MAPKAPK2: variants seen among roughly 807,000 people sequenced by gnomAD.
MAPKAPK2 encodes the protein MAPK activated protein kinase 2.
Under a neutral mutation model 48.8 loss-of-function variants are expected in MAPKAPK2, and 9 were observed. The ratio of observed to expected loss-of-function variants is 0.18; its 90% CI spans 0.11 to 0.32. The LOEUF is 0.32. Among genes scored for constraint, MAPKAPK2 ranks in the 10% least tolerant of loss-of-function variants. MAPKAPK2 has a pLI of 1.00. For missense variants in MAPKAPK2, 331 were observed against 498.3 expected, an observed-to-expected ratio of 0.66 and a Z score of 3.20; for synonymous variants, 202 against 190.6, an observed-to-expected ratio of 1.06 and a Z score of -0.49.
chr1:206,726,637 T>G (rs1673710428), intron 1 of MAPKAPK2, among the ~76,000 whole-genome samples: 1 of 152,228 alleles, frequency 6.6e-6, no homozygotes, highest in African/African-American at 2.4e-5. Flanking sequence ...CTCTAAAAGC[T>G]GGGTGGTGTG....
chr1:206,697,808 C>G (rs1266675416), intron 1 of MAPKAPK2, among the ~76,000 whole-genome samples: 1 of 152,248 alleles, frequency 6.6e-6, no homozygotes, highest in Non-Finnish European at 1.5e-5. Flanking sequence ...CATGCCACAA[C>G]AGATTTACAC....
At chr1:206,719,197 T>C (rs563518018) in intron 1 of MAPKAPK2, among the ~76,000 whole-genome samples, 2 of 152,328 alleles carry the variant, frequency 1.3e-5, no homozygotes, top group Admixed American at 6.5e-5. Flanking sequence ...TGGAAATATT[T>C]TAAAGATTTG....
rs367957440 is a variant in MAPKAPK2 at position 206,685,454 on chromosome 1, C to T, written c.225C>T (p.Asn75=). 57 of 1,542,226 alleles carry T rather than the reference C, an allele frequency of 3.7e-5. No homozygotes were observed. The highest frequency in any genetic ancestry group is 3.8e-5 in the Non-Finnish European group (43 of 1,140,098). The part of the protein sequence containing the change: ...VTSQVLGLGI[N]GKVLQIFNKR... ...GCCAGGTCCTGGGGCTGGGCATCAACGGCAAAGTTTTGCAGATCTTCAACA... is the reference window on the plus strand; with the variant it reads ...GCCAGGTCCTGGGGCTGGGCATCAATGGCAAAGTTTTGCAGATCTTCAACA... Residue 75 remains asparagine (N), a synonymous_variant, in exon 1 of 10, where the codon AAC becomes AAT. Transcript: ENST00000367103.
At chr1:206,699,932 T>C (rs923324279) in intron 1 of MAPKAPK2, among the ~76,000 whole-genome samples, 4 of 151,844 alleles carry the variant, frequency 2.6e-5, no homozygotes, top group Non-Finnish European at 2.9e-5. Flanking sequence ...CTCTCTCTTT[T>C]TCTTTTCTCC....
At chr1:206,707,410 T>G (rs1365607826) in intron 1 of MAPKAPK2, among the ~76,000 whole-genome samples, 1 of 152,064 alleles carries the variant, frequency 6.6e-6, no homozygotes, top group Non-Finnish European at 1.5e-5. Flanking sequence ...CTTTAAGATG[T>G]GAAGCCAGAA....
At chr1:206,692,108 T>C (rs1297920078) in intron 1 of MAPKAPK2, among the ~76,000 whole-genome samples, 1 of 152,198 alleles carries the variant, frequency 6.6e-6, no homozygotes, top group Non-Finnish European at 1.5e-5. Context: ...GCCACTGTGA[T>C]TTCTGGTGCA....
chr1:206,685,351 A>C lies in MAPKAPK2; in HGVS notation c.122A>C (p.Gln41Pro). The part of the protein sequence containing the change: ...PPAQPPPPPP[Q>P]QFPQFHVKSG... ...GCGCAGCCGCCGCCGCCGCCCCCGC[A>C]GCAGTTCCCGCAGTTCCACGTCAAG... is the stretch of plus-strand genomic sequence containing the variant. The change falls in exon 1 of 10, where the codon CAG becomes CCG. Residue 41 changes from glutamine to proline, a missense_variant. Around this residue, in one of 4 missense-constraint regions of MAPKAPK2, gnomAD observed 93 missense variants for 81.0 expected, o/e 1.15. Transcript: ENST00000367103. 3 of 1,316,672 alleles carry C rather than the reference A, an allele frequency of 2.3e-6. No individual in the cohort carries two copies. Among genetic ancestry groups the C allele is most frequent in the Non-Finnish European group, 3.0e-6 (3 of 1,002,260 alleles). 81.6% of individuals were successfully genotyped at this position (1,316,672 alleles called of 1,614,324 possible).
At position 206,685,409 on chromosome 1, in the gene MAPKAPK2, C is replaced by T. The variant is rs782320757; in HGVS notation, c.180C>T (p.Ile60=). ...SGLQIKKNAI[I]DDYKVTSQVL... ...TGCAGATCAAGAAGAACGCCATCAT[C>T]GATGACTACAAGGTCACCAGCCAGG... The change falls in exon 1 of 10, where the codon ATC becomes ATT. Residue 60 remains isoleucine (I), a synonymous_variant. Transcript: ENST00000367103. The T allele has an allele frequency of 3.3e-6, 5 of 1,528,132 alleles. No homozygotes were observed. Among genetic ancestry groups the T allele is most frequent in the Admixed American group, 1.8e-5 (1 of 54,462 alleles). 94.7% of individuals were successfully genotyped at this position (1,528,132 alleles called of 1,614,324 possible). A position where few individuals can be genotyped will look rare whatever the true frequency, so the allele number is the denominator to read the frequency against.
At chr1:206,709,607 C>T (rs1362658164) in intron 1 of MAPKAPK2, among the ~76,000 whole-genome samples, 2 of 152,106 alleles carry the variant, frequency 1.3e-5, no homozygotes, top group African/African-American at 4.8e-5. Context: ...GAAGTCAGTC[C>T]GAGCCTCTGA....
intron 1 of MAPKAPK2, among the ~76,000 whole-genome samples, chr1:206,724,548 C>CT (rs1673644925): frequency 7.4e-6 from 1 of 135,582 alleles, no homozygotes. Context: ...AATGACCAGT[C>CT]CTTTTTTTTT....
chr1:206,699,171 A>G (rs59473067), intron 1 of MAPKAPK2, among the ~76,000 whole-genome samples: 6,166 of 152,242 alleles, frequency 0.041, 274 homozygotes, highest in African/African-American at 0.11. Context: ...AGATCTTACC[A>G]TTTCTTGCAT....
At position 206,732,017 on chromosome 1, in the gene MAPKAPK2, A is replaced by T; in HGVS notation, c.1059+98A>T. 6.2e-7 allele frequency: 1 copy of T among 1,614,078 alleles called. No homozygotes were observed. On this transcript the variant is annotated intron_variant, in intron 9 of 9. Coordinates refer to ENST00000367103, the MANE Select transcript of MAPKAPK2 (RefSeq NM_032960.4). The surrounding 1 kb of genome is among the most constrained non-coding windows in gnomAD (Gnocchi z 4.4). ...CGTGGTGCTGGTAGGGGAGAGCTTGATTCTGCCTCTCTCATCCCAGGGGTG... is the reference window on the plus strand; with the variant it reads ...CGTGGTGCTGGTAGGGGAGAGCTTGTTTCTGCCTCTCTCATCCCAGGGGTG...
chr1:206,720,759 C>T (rs1273448003), intron 1 of MAPKAPK2, among the ~76,000 whole-genome samples: 3 of 152,054 alleles, frequency 2.0e-5, no homozygotes, highest in African/African-American at 7.3e-5. Flanking sequence ...TACCATCAGA[C>T]ATGTTTTGAT....
At chr1:206,693,112 TGTTC>T (rs1221180540) in intron 1 of MAPKAPK2, among the ~76,000 whole-genome samples, 2 of 152,100 alleles carry the variant, frequency 1.3e-5, no homozygotes, top group South Asian at 2.1e-4. Context: ...AAGATCGAGT[TGTTC>T]GTTTGCTGCC....
Position 206,731,411 on chromosome 1 carries a change from G to A in MAPKAPK2, c.892+149G>A, listed in dbSNP as rs979355650. The A allele has an allele frequency of 9.5e-5, 136 of 1,431,960 alleles. 1 individual carries two copies. In the South Asian group the frequency reaches 9.5e-4, roughly 10 times the overall value. 88.7% of individuals were successfully genotyped at this position (1,431,960 alleles called of 1,614,324 possible). On this transcript the variant is annotated intron_variant, in intron 7 of 9. Transcript: ENST00000367103. This position sits in a 1 kb window ranked among gnomAD's most constrained non-coding sequence, Gnocchi z 5.9. ...ACCTATGCCCACGCCTGCGGGGTGC[G>A]TCCTGCTTCATTTTGCCTGTGTGGA...
At chr1:206,714,841 T>G (rs1673277177) in intron 1 of MAPKAPK2, among the ~76,000 whole-genome samples, 1 of 152,094 alleles carries the variant, frequency 6.6e-6, no homozygotes, top group Non-Finnish European at 1.5e-5. Context: ...TTAACAGTTT[T>G]GTTTACATAT....
Position 206,684,996 on chromosome 1 carries a change from C to T in MAPKAPK2, c.-234C>T, listed in dbSNP as rs1430163581. 11 of 156,464 alleles carry T rather than the reference C, an allele frequency of 7.0e-5. No individual in the cohort carries two copies. The highest frequency in any genetic ancestry group is 2.7e-4 in the African/African-American group (11 of 41,250). The allele number at this position is 156,464 out of a possible 1,614,324, so 9.7% of individuals were successfully genotyped here. On this transcript the variant is annotated 5_prime_UTR_variant, in exon 1 of 10. Coordinates refer to ENST00000367103, the MANE Select transcript of MAPKAPK2 (RefSeq NM_032960.4). ...CGCCGCCCCGCGGTCCCCAGAGCGC[C>T]AGGCCCCCGGGGGGAGGGAGGGAGG...
intron 1 of MAPKAPK2, among the ~76,000 whole-genome samples, chr1:206,693,219 C>A (rs903180472): frequency 1.3e-5 from 2 of 152,146 alleles, no homozygotes; most frequent in African/African-American, 4.8e-5. Flanking sequence ...GTTACTCAGC[C>A]CCTCTGCCGA....
rs1553425273 is a variant in MAPKAPK2, at chr1:206,685,168, C to T, written c.-62C>T. The T allele has an allele frequency of 7.7e-6, 2 of 259,410 alleles. No homozygotes were observed. The highest frequency in any genetic ancestry group is 1.3e-4 in the South Asian group (1 of 7,578). 16.1% of individuals were successfully genotyped at this position (259,410 alleles called of 1,614,324 possible). On this transcript the variant is annotated 5_prime_UTR_variant, in exon 1 of 10. Coordinates refer to ENST00000367103, the MANE Select transcript of MAPKAPK2 (RefSeq NM_032960.4). Reference sequence around the variant, plus strand: ...GTCGGGGGGCGGCGGGGAGGGGGCCCGGAGCCGGAGGAGGGGGCGGCCGCG... The same window carrying T: ...GTCGGGGGGCGGCGGGGAGGGGGCCTGGAGCCGGAGGAGGGGGCGGCCGCG...
Sources: allele counts gnomAD v4.1 joint callset (sites outside exome capture counted in the v4.1 genomes callset), GRCh38; gene constraint gnomAD v4.1.1; regional missense constraint gnomAD v4.1.1; non-coding constraint Gnocchi (gnomAD v3.1); transcripts MANE v1.5; gene names NCBI Gene and HGNC (gene_info 2026-07-23, HGNC 2026-07-21).